SLC5A4: variants seen among roughly 807,000 people sequenced by gnomAD.
SLC5A4 encodes probable glucose sensor protein SLC5A4.
In SLC5A4, 55 loss-of-function variants were observed where a neutral mutation model predicts 70.3. The ratio of observed to expected loss-of-function variants is 0.78; its 90% CI spans 0.63 to 0.98. The LOEUF (loss-of-function observed/expected upper bound fraction) is 0.98. Ranked by LOEUF, SLC5A4 falls within the 50% of genes least tolerant of loss-of-function variation. The pLI is 0.00. For synonymous variants in SLC5A4, 268 were observed against 305.7 expected (o/e 0.88, Z 1.29); for missense variants, 735 against 839.2 (o/e 0.88, Z 1.53).
chr22:32,329,543 C>CTGTTGAGGGGCTCTGGTGTGTG, the SLC5A4 span, among the ~76,000 whole-genome samples: 4 of 131,336 alleles, frequency 3.0e-5, no homozygotes, highest in Non-Finnish European at 4.7e-5. Context: ...GGCTCTGTGT[C>CTGTTGAGGGGCTCTGGTGTGTG]TGTTGAGGGG....
chr22:32,335,697 CCCCAGCTGCAGCA>C, the SLC5A4 span, among the ~76,000 whole-genome samples: 1 of 152,214 alleles, frequency 6.6e-6, no homozygotes, highest in African/African-American at 2.4e-5. Flanking sequence ...TCCTGCCTGC[CCCCAGCTGCAGCA>C]CCCAGCGATT....
At chr22:32,333,081 G>A in the SLC5A4 span, among the ~76,000 whole-genome samples, 2 of 152,320 alleles carry the variant, frequency 1.3e-5, no homozygotes, top group Non-Finnish European at 2.9e-5. Context: ...TACACAAGGG[G>A]AAAGTGAGGC....
the SLC5A4 span, among the ~76,000 whole-genome samples, chr22:32,313,599 G>C: frequency 2.6e-5 from 4 of 152,328 alleles, no homozygotes; most frequent in Middle Eastern, 3.4e-3. Context: ...TTATAGCTTT[G>C]AATGGCAGAG....
the SLC5A4 span, among the ~76,000 whole-genome samples, chr22:32,304,417 C>T: frequency 6.6e-6 from 1 of 151,106 alleles, no homozygotes; most frequent in African/African-American, 2.4e-5. Flanking sequence ...ACTGGGATTA[C>T]AGGCGTGAGC....
intron 12 of SLC5A4, 24 bp downstream of exon 12, chr22:32,225,631 A>AT (rs769001838): frequency 7.1e-6 from 11 of 1,539,590 alleles, no homozygotes; most frequent in Middle Eastern, 1.7e-4. Flanking sequence ...CAGCAGGGAA[A>AT]CTTTTTTTCC....
the SLC5A4 span, among the ~76,000 whole-genome samples, chr22:32,341,438 T>C: frequency 6.6e-6 from 1 of 152,324 alleles, no homozygotes; most frequent in East Asian, 1.9e-4. Flanking sequence ...TGCTGCCCTC[T>C]CTGCCGGGAT....
At chr22:32,269,706 C>T in the SLC5A4 span, 2 of 613,624 alleles carry the variant, frequency 3.3e-6, no homozygotes, top group Non-Finnish European at 6.4e-6. This position sits in a 1 kb window ranked among gnomAD's most constrained non-coding sequence, Gnocchi z 4.1. Context: ...CGGTGTGGCT[C>T]TCAGCAGCCT....
At chr22:32,270,495 A>G in the SLC5A4 span, 2 of 759,364 alleles carry the variant, frequency 2.6e-6, no homozygotes, top group Non-Finnish European at 4.7e-6. Context: ...GCACCCCCGA[A>G]GCGGACAATG....
chr22:32,286,216 CAT>C, the SLC5A4 span, among the ~76,000 whole-genome samples: 5 of 152,170 alleles, frequency 3.3e-5, no homozygotes, highest in Middle Eastern at 3.2e-3. Flanking sequence ...CATATACTCA[CAT>C]ATATTTTATA....
chr22:32,237,254 G>A lies in SLC5A4; in HGVS notation c.654C>T (p.Leu218=). 2 of 1,608,440 alleles carry A rather than the reference G, an allele frequency of 1.2e-6. No homozygotes were observed. The highest frequency in any genetic ancestry group is 1.3e-5 in the African/African-American group (1 of 74,922). The change falls in exon 7 of 15, where the codon CTC becomes CTT. Residue 218 remains leucine (L), a synonymous_variant. Coordinates refer to ENST00000266086, the MANE Select transcript of SLC5A4 (RefSeq NM_014227.3). Reference sequence around the variant, plus strand: ...AGGGTCATCACTTACCAAACCCCATGAGAATAAAAGAGCCAATCAGCATGA... The same window carrying A: ...AGGGTCATCACTTACCAAACCCCATAAGAATAAAAGAGCCAATCAGCATGA... ...TIIMLIGSFI[L]MGFAFNEVGG...
At chr22:32,304,667 C>T in the SLC5A4 span, among the ~76,000 whole-genome samples, 8 of 152,292 alleles carry the variant, frequency 5.3e-5, no homozygotes, top group African/African-American at 1.9e-4. Flanking sequence ...AATATTTTCT[C>T]CCGTTCTTTG....
chr22:32,329,445 C>T, the SLC5A4 span, among the ~76,000 whole-genome samples: 1 of 151,450 alleles, frequency 6.6e-6, no homozygotes, highest in African/African-American at 2.4e-5. Context: ...TTTACTTTGT[C>T]TTTAGCAAAA....
At chr22:32,347,803 C>T in the SLC5A4 span, among the ~76,000 whole-genome samples, 1 of 151,504 alleles carries the variant, frequency 6.6e-6, no homozygotes, top group Non-Finnish European at 1.5e-5. Flanking sequence ...CATGTATACA[C>T]ATGTAACAAA....
At chr22:32,271,034 GA>G in the SLC5A4 span, 1 of 560,574 alleles carries the variant, frequency 1.8e-6, no homozygotes. Flanking sequence ...CGGTGATGAG[GA>G]AATGCTGTGT....
At chr22:32,321,976 A>G in the SLC5A4 span, among the ~76,000 whole-genome samples, 2 of 152,214 alleles carry the variant, frequency 1.3e-5, no homozygotes, top group African/African-American at 4.8e-5. Context: ...TGTTCCCAGC[A>G]TTGTGCATAA....
At chr22:32,338,624 A>T in the SLC5A4 span, among the ~76,000 whole-genome samples, 1 of 152,184 alleles carries the variant, frequency 6.6e-6, no homozygotes, top group African/African-American at 2.4e-5. Context: ...AGCCAAGATC[A>T]CACCACTGCA....
Position 32,224,363 on chromosome 22 carries a change from T to C in SLC5A4, c.1569A>G (p.Gly523=), listed in dbSNP as rs1569365745. The change falls in exon 13 of 15, where the codon GGA becomes GGG. Residue 523 remains glycine (G), a synonymous_variant. Transcript: ENST00000266086. ...CGATGGAAAAGTACAGATAGTGCAC[T>C]CCACAGATAATCTTGGGACAGTTAC... is the stretch of plus-strand genomic sequence containing the variant. ...APSNCPKIIC[G]VHYLYFSIVL... is the part of the protein sequence containing the mutation. 6.2e-7 allele frequency: 1 copy of C among 1,613,952 alleles called. No homozygotes were observed. Among genetic ancestry groups the C allele is most frequent in the Admixed American group, 1.7e-5 (1 of 60,024 alleles).
the SLC5A4 span, among the ~76,000 whole-genome samples, chr22:32,295,931 T>G: frequency 6.7e-5 from 2 of 30,044 alleles, no homozygotes; most frequent in African/African-American, 2.9e-4. Context: ...CCCCATTGCT[T>G]GTTTTTCTCA....
At chr22:32,333,667 C>T in the SLC5A4 span, among the ~76,000 whole-genome samples, 145 of 152,118 alleles carry the variant, frequency 9.5e-4, 1 homozygote, top group East Asian at 3.7e-3. Context: ...ATTCCTGGCC[C>T]GCCCCTGATG....
Sources: allele counts gnomAD v4.1 joint callset (sites outside exome capture counted in the v4.1 genomes callset), GRCh38; gene constraint gnomAD v4.1.1; non-coding constraint Gnocchi (gnomAD v3.1); transcripts MANE v1.5; gene names NCBI Gene and HGNC (gene_info 2026-07-23, HGNC 2026-07-21).